Variants in WDR70 observed in about 807,000 individuals in gnomAD.
The protein encoded by WDR70 is WD repeat-containing protein 70.
Under a neutral mutation model 88.6 loss-of-function variants are expected in WDR70, and 53 were observed. That is an observed-to-expected ratio of 0.60 (90% confidence interval 0.48 to 0.75). The LOEUF (loss-of-function observed/expected upper bound fraction) is 0.75, where lower values mean the gene tolerates loss of function less well. WDR70 is among the 30% of genes least tolerant of loss of function. WDR70 has a pLI of 0.00. For missense variants in WDR70, 610 were observed against 823.2 expected, an observed-to-expected ratio of 0.74 and a Z score of 3.17; for synonymous variants, 280 against 270.0, an observed-to-expected ratio of 1.04 and a Z score of -0.36.
At chr5:37,696,096 G>A (rs988526739) in intron 10 of WDR70, among the ~76,000 whole-genome samples, 3 of 152,018 alleles carry the variant, frequency 2.0e-5, no homozygotes, top group African/African-American at 7.3e-5. Context: ...TATCCTTTCT[G>A]GGGACTGCCA....
At chr5:37,616,537 G>A (rs1461230183) in intron 10 of WDR70, among the ~76,000 whole-genome samples, 2 of 152,040 alleles carry the variant, frequency 1.3e-5, no homozygotes, top group East Asian at 1.9e-4. Flanking sequence ...CAAGCCCCCC[G>A]CTGCTGGTAG....
chr5:37,466,563 G>A (rs1167502928), intron 7 of WDR70, among the ~76,000 whole-genome samples: 12 of 151,756 alleles, frequency 7.9e-5, no homozygotes, highest in East Asian at 7.7e-4. Context: ...AAAATTAGCC[G>A]GGCATGGTGG....
chr5:37,524,526 A>G (rs4869525), intron 9 of WDR70, among the ~76,000 whole-genome samples: 25,335 of 152,226 alleles, frequency 0.17, 2,229 homozygotes, highest in South Asian at 0.27. Context: ...CTGCAAAAAA[A>G]ATGCCAAATT....
At chr5:37,658,358 C>G (rs1278015398) in intron 10 of WDR70, among the ~76,000 whole-genome samples, 3 of 151,810 alleles carry the variant, frequency 2.0e-5, no homozygotes, top group Non-Finnish European at 4.4e-5. Flanking sequence ...TATTGACAAC[C>G]CTCTAGTCAT....
At chr5:37,414,158 A>G (rs1749618996) in intron 5 of WDR70, among the ~76,000 whole-genome samples, 1 of 151,544 alleles carries the variant, frequency 6.6e-6, no homozygotes, top group Admixed American at 6.6e-5. Flanking sequence ...AAAAAAAAAA[A>G]AAAAAGAAAA....
intron 8 of WDR70, among the ~76,000 whole-genome samples, chr5:37,483,101 GT>G (rs35122146): frequency 0.25 from 32,485 of 129,814 alleles, 4,523 homozygotes; most frequent in East Asian, 0.48. Flanking sequence ...AGTGGTCTCA[GT>G]TTTTTTTTTT....
chr5:37,563,200 A>T (rs1742581718), intron 9 of WDR70, among the ~76,000 whole-genome samples: 1 of 48,058 alleles, frequency 2.1e-5, no homozygotes, highest in Admixed American at 2.4e-4. Context: ...TCCCTCCTGG[A>T]CGGGGCGGCT....
chr5:37,481,444 A>G (rs1335392473), intron 8 of WDR70, among the ~76,000 whole-genome samples: 1 of 152,126 alleles, frequency 6.6e-6, no homozygotes, highest in Non-Finnish European at 1.5e-5. Context: ...GTGCATCTGC[A>G]GGCTTAACAC....
At chr5:37,556,301 A>G (rs538632025) in intron 9 of WDR70, among the ~76,000 whole-genome samples, 1 of 152,300 alleles carries the variant, frequency 6.6e-6, no homozygotes, top group East Asian at 1.9e-4. Flanking sequence ...AGCTACTATC[A>G]TCTAGTTTTT....
intron 10 of WDR70, among the ~76,000 whole-genome samples, chr5:37,685,878 T>C (rs1425741253): frequency 2.0e-5 from 3 of 152,138 alleles, no homozygotes; most frequent in African/African-American, 7.2e-5. Flanking sequence ...TCCAGTGTGC[T>C]CTAACCCCAC....
At chr5:37,578,040 A>G (rs1743108542) in intron 9 of WDR70, among the ~76,000 whole-genome samples, 1 of 87,748 alleles carries the variant, frequency 1.1e-5, no homozygotes, top group South Asian at 3.9e-4. Flanking sequence ...GAGGAGGAAA[A>G]GGCTTCAAGG....
At chr5:37,605,403 A>T (rs544566784) in intron 10 of WDR70, among the ~76,000 whole-genome samples, 165 bp downstream of exon 10, 1 of 152,218 alleles carries the variant, frequency 6.6e-6, no homozygotes, top group Non-Finnish European at 1.5e-5. Context: ...CTTTTGTAGT[A>T]TACAGCATTT....
chr5:37,722,585 C>T, intron 14 of WDR70: 1 of 405,080 alleles, frequency 2.5e-6, no homozygotes, highest in South Asian at 3.7e-5. Flanking sequence ...CACATTATTC[C>T]TATAGGTTTT....
chr5:37,545,310 G>A (rs545663852), intron 9 of WDR70, among the ~76,000 whole-genome samples: 1 of 152,258 alleles, frequency 6.6e-6, no homozygotes, highest in Admixed American at 6.5e-5. Flanking sequence ...TGGTGCAGAA[G>A]AAGGCATAAG....
chr5:37,734,346 C>T (rs968035194), intron 17 of WDR70, among the ~76,000 whole-genome samples: 9 of 151,998 alleles, frequency 5.9e-5, no homozygotes, highest in Admixed American at 5.9e-4. Flanking sequence ...GGTATTTCCA[C>T]ATAAAATGTG....
At chr5:37,709,607 G>T (rs757592325) in intron 13 of WDR70, among the ~76,000 whole-genome samples, 2 of 144,590 alleles carry the variant, frequency 1.4e-5, no homozygotes, top group East Asian at 3.9e-4. Flanking sequence ...GTGTAAATTT[G>T]CCAGTACATG....
At chr5:37,692,200 G>A (rs71609665) in intron 10 of WDR70, among the ~76,000 whole-genome samples, 1 of 150,772 alleles carries the variant, frequency 6.6e-6, no homozygotes, top group East Asian at 2.0e-4. Flanking sequence ...ACCAATAACA[G>A]GCTCTGAAAT....
intron 5 of WDR70, among the ~76,000 whole-genome samples, chr5:37,418,755 TTTC>T (rs986803082): frequency 2.0e-5 from 3 of 152,226 alleles, no homozygotes; most frequent in Admixed American, 6.5e-5. Flanking sequence ...ATCAGTAATT[TTTC>T]TTCTTCTTTT....
chr5:37,562,364 A>T (rs1307719043), intron 9 of WDR70, among the ~76,000 whole-genome samples: 1 of 151,588 alleles, frequency 6.6e-6, no homozygotes, highest in Non-Finnish European at 1.5e-5. Flanking sequence ...TCTCAAAAGA[A>T]AAAAAAAAGT....
Sources: gnomAD v4.1 joint callset for allele counts (sites outside exome capture counted in the v4.1 genomes callset) on GRCh38, gnomAD v4.1.1 for gene constraint, MANE v1.5 for transcripts, NCBI Gene and HGNC (gene_info 2026-07-23, HGNC 2026-07-21) for gene names.